VPS13B: variants seen among roughly 807,000 people sequenced by gnomAD.
VPS13B encodes the protein vacuolar protein sorting 13 homolog B, also known as intermembrane lipid transfer protein VPS13B.
Under a neutral mutation model 426.4 loss-of-function variants are expected in VPS13B, and 285 were observed. The ratio of observed to expected loss-of-function variants is 0.67; its 90% confidence interval spans 0.61 to 0.74. The LOEUF (loss-of-function observed/expected upper bound fraction) is 0.74, where lower values mean the gene tolerates loss of function less well. Ranked by LOEUF, VPS13B falls within the 30% of genes least tolerant of loss-of-function variation. VPS13B has a pLI of 0.00. For missense variants in VPS13B, 4,537 were observed against 4,782.6 expected, an observed-to-expected ratio of 0.95 and a Z score of 1.51; for synonymous variants, 1,676 against 1,676.4, an observed-to-expected ratio of 1.00 and a Z score of 0.01.
intron 25 of VPS13B, among the ~76,000 whole-genome samples, chr8:99,489,117 C>T (rs1820457357): frequency 6.6e-6 from 1 of 152,244 alleles, no homozygotes. Context: ...GCCAGTTTTC[C>T]CAGCACTATT....
rs189483328 is a variant in VPS13B, at chr8:99,389,122, C to T, written c.2935-2435C>T. Among the ~76,000 whole-genome samples the T allele has an allele frequency of 5.9e-4, 89 of 152,100 alleles. 3 individuals are homozygous for T. Among genetic ancestry groups the T allele is most frequent in the Admixed American group, 5.1e-3 (78 of 15,296 alleles). Reference sequence around the variant, plus strand: ...CAAGATTGCACCACTGCACTCCAGCCTGGGTGACAGAGCGAGACTCTGTCT... The same window carrying T: ...CAAGATTGCACCACTGCACTCCAGCTTGGGTGACAGAGCGAGACTCTGTCT... On this transcript the variant is annotated intron_variant, in intron 20 of 61. Coordinates refer to ENST00000357162, the MANE Select transcript of VPS13B (RefSeq NM_152564.5).
At position 99,661,365 on chromosome 8, in the gene VPS13B, ACT is replaced by A. The variant is rs886041323; in HGVS notation, c.5923_5924del (p.Leu1975AlafsTer2). Reference sequence around the variant, plus strand: ...TTTTGTCACTTTAGATCCTGGGAAGACTCTGCCTGAAGCCCTTGATTATTGCA... The same window carrying A: ...TTTTGTCACTTTAGATCCTGGGAAGACTGCCTGAAGCCCTTGATTATTGCA... The part of the protein sequence containing the change: ...SDYKCIDPGK[T>X]LPEALDYCTV... On this transcript the variant is annotated frameshift_variant, in exon 35 of 62. Transcript: ENST00000357162. LOFTEE classifies it high-confidence loss of function. 7.4e-6 allele frequency: 12 copies of A among 1,613,440 alleles called. No individual in the cohort carries two copies. The Admixed American group carries it at 1.0e-4, about 13-fold the overall frequency.
intron 16 of VPS13B, among the ~76,000 whole-genome samples, chr8:99,190,271 A>G (rs980791866): frequency 6.8e-6 from 1 of 147,776 alleles, no homozygotes; most frequent in Non-Finnish European, 1.5e-5. Context: ...TCGTTCGTTT[A>G]CTCCTTCATG....
intron 34 of VPS13B, among the ~76,000 whole-genome samples, chr8:99,654,080 G>A (rs181683061): frequency 6.6e-6 from 1 of 151,636 alleles, no homozygotes; most frequent in Non-Finnish European, 1.5e-5. Flanking sequence ...ACAGAGTCTT[G>A]CTCTGTCACC....
At chr8:99,635,816 A>G (rs1466368236) in intron 33 of VPS13B, among the ~76,000 whole-genome samples, 2 of 152,012 alleles carry the variant, frequency 1.3e-5, no homozygotes, top group Non-Finnish European at 2.9e-5. Context: ...ATAACCCAAA[A>G]TTAGTTTAAT....
chr8:99,318,868 AG>A (rs1190931577), intron 19 of VPS13B, among the ~76,000 whole-genome samples: 1 of 152,108 alleles, frequency 6.6e-6, no homozygotes, highest in Non-Finnish European at 1.5e-5. Context: ...GAGATTGTTC[AG>A]GTGTGTTATT....
At chr8:99,300,747 C>T (rs1820315132) in intron 19 of VPS13B, among the ~76,000 whole-genome samples, 1 of 152,066 alleles carries the variant, frequency 6.6e-6, no homozygotes, top group Non-Finnish European at 1.5e-5. Context: ...TTAGCCTCAG[C>T]TATATCATTT....
chr8:99,218,567 C>T (rs1815512469), intron 17 of VPS13B, among the ~76,000 whole-genome samples: 1 of 152,184 alleles, frequency 6.6e-6, no homozygotes, highest in African/African-American at 2.4e-5. Flanking sequence ...GAATATCCAT[C>T]AAATATTGTT....
intron 39 of VPS13B, among the ~76,000 whole-genome samples, chr8:99,741,171 A>G (rs1334498295): frequency 4.6e-5 from 7 of 152,228 alleles, no homozygotes; most frequent in Non-Finnish European, 1.0e-4. Context: ...AAGGGTTGCA[A>G]TCCTAGTCTC....
intron 58 of VPS13B, among the ~76,000 whole-genome samples, chr8:99,862,989 G>A (rs1288279583): frequency 1.3e-5 from 2 of 152,218 alleles, no homozygotes; most frequent in East Asian, 3.8e-4. Context: ...GTAACCCAAA[G>A]GTGATGGTGA....
At chr8:99,046,925 T>A (rs1045226406) in intron 3 of VPS13B, among the ~76,000 whole-genome samples, 4 of 152,202 alleles carry the variant, frequency 2.6e-5, no homozygotes, top group Admixed American at 1.3e-4. Context: ...TTGGATTCAG[T>A]TAGCTAGTAT....
At chr8:99,205,253 A>G (rs768304069) in intron 17 of VPS13B, among the ~76,000 whole-genome samples, 16 of 152,300 alleles carry the variant, frequency 1.1e-4, no homozygotes, top group Non-Finnish European at 1.9e-4. Context: ...CTAACACATG[A>G]ACAGAAAACC....
chr8:99,056,223 AT>A (rs1007201667), intron 3 of VPS13B, among the ~76,000 whole-genome samples: 2 of 151,356 alleles, frequency 1.3e-5, no homozygotes, highest in African/African-American at 2.4e-5. Flanking sequence ...TGCCCGGCTA[AT>A]TTTTTTTGTG....
chr8:99,747,497 G>A (rs952937873), intron 39 of VPS13B, among the ~76,000 whole-genome samples: 2 of 151,964 alleles, frequency 1.3e-5, no homozygotes, highest in African/African-American at 4.8e-5. Context: ...ACCTTTTAGA[G>A]AATCTATAAT....
intron 3 of VPS13B, among the ~76,000 whole-genome samples, chr8:99,077,366 C>T (rs1426981643): frequency 2.0e-5 from 3 of 152,026 alleles, no homozygotes; most frequent in Non-Finnish European, 4.4e-5. Context: ...GACAGGTTTT[C>T]TCCCTGTTGG....
chr8:99,102,664 G>T (rs577829643), intron 4 of VPS13B, among the ~76,000 whole-genome samples: 2 of 152,032 alleles, frequency 1.3e-5, no homozygotes, highest in African/African-American at 4.8e-5. Flanking sequence ...TCATTGTATG[G>T]GATCTAATAT....
rs752917912 is a variant in VPS13B at position 99,717,244 on chromosome 8, C to T, written c.6528C>T (p.Ser2176=). The part of the protein sequence containing the change: ...FLLKTSLKER[S]RILIGPCCAT... The stretch of plus-strand genomic sequence containing the variant: ...TTAAAACAAGTCTCAAAGAAAGAAG[C>T]CGCATTCTGATAGGACCATGTTGTG... The change falls in exon 37 of 62, where the codon AGC becomes AGT. Residue 2176 remains serine (S), a synonymous_variant. Transcript: ENST00000357162. 6.8e-6 allele frequency: 11 copies of T among 1,613,938 alleles called. No individual in the cohort carries two copies. The highest frequency in any genetic ancestry group is 1.7e-5 in the Admixed American group (1 of 59,984).
intron 33 of VPS13B, among the ~76,000 whole-genome samples, chr8:99,616,468 A>G (rs1414889530): frequency 6.6e-6 from 1 of 152,208 alleles, no homozygotes; most frequent in East Asian, 1.9e-4. Context: ...ACTTTGAAAG[A>G]TAAATAGGCA....
rs1268409824 is a variant in VPS13B at position 99,044,430 on chromosome 8, G to GTT, written c.291+5870_291+5871dup. Among the ~76,000 whole-genome samples, 145 of 151,136 alleles carry GTT rather than the reference G, an allele frequency of 9.6e-4. 1 individual carries two copies. In the South Asian group the frequency reaches 0.019, roughly 20 times the overall value. ...AGTCAATGTTTGTGTGTGTGTGTGT[G>GTT]TTTTTTTAATTGAAACGAAATTCAC... is the stretch of plus-strand genomic sequence containing the variant. On this transcript the variant is annotated intron_variant, in intron 3 of 61. Transcript: ENST00000357162.
Sources: allele counts gnomAD v4.1 joint callset (sites outside exome capture counted in the v4.1 genomes callset), GRCh38; gene constraint gnomAD v4.1.1; transcripts MANE v1.5; gene names NCBI Gene and HGNC (gene_info 2026-07-23, HGNC 2026-07-21).